The following NBEAL1 variants were observed in gnomAD, a reference collection of about 807,000 sequenced individuals.
NBEAL1 encodes neurobeachin like 1, also known as neurobeachin-like protein 1.
NBEAL1 carries 273 observed loss-of-function variants against 351.3 expected under a neutral mutation model. That is an observed-to-expected ratio of 0.78 (90% CI 0.70 to 0.86). The LOEUF (loss-of-function observed/expected upper bound fraction) is 0.86, where lower values mean the gene tolerates loss of function less well. Among genes scored for constraint, NBEAL1 ranks in the 40% least tolerant of loss-of-function variants. The pLI is 0.00. For synonymous variants in NBEAL1, 1,050 were observed against 1,086.4 expected (o/e 0.97, Z 0.66); for missense variants, 2,961 against 3,201.3 (o/e 0.92, Z 1.81).
intron 29 of NBEAL1, 138 bp from the exon 30 acceptor site, chr2:203,138,024 T>C (rs2106318986): frequency 1.3e-6 from 1 of 763,986 alleles, no homozygotes; most frequent in East Asian, 2.8e-5. Context: ...CCATTTACAG[T>C]ATCTTAGGGA....
rs546453299 is a variant in NBEAL1 at position 203,211,187 on chromosome 2, A to G, written c.7934+81A>G. On this transcript the variant is annotated intron_variant, in intron 54 of 55. Transcript: ENST00000683969. ...CTAGAGTGAAAATCAGGAATCTAAG[A>G]TTTTTAATCTTTTGGTTTATCATTG... is the stretch of plus-strand genomic sequence containing the variant. 3.5e-5 allele frequency: 37 copies of G among 1,066,114 alleles called. No individual in the cohort carries two copies. In the South Asian group the frequency reaches 1.0e-3, roughly 30 times the overall value. 66.0% of individuals were successfully genotyped at this position (1,066,114 alleles called of 1,614,324 possible). A position where few individuals can be genotyped will look rare whatever the true frequency, so the allele number is the denominator to read the frequency against.
At chr2:203,151,231 C>G (rs1419975014) in intron 34 of NBEAL1, among the ~76,000 whole-genome samples, 1 of 152,098 alleles carries the variant, frequency 6.6e-6, no homozygotes, top group Non-Finnish European at 1.5e-5. Flanking sequence ...TGTCAGGAGG[C>G]TGAGGCACGA....
At chr2:203,116,946 C>T (rs977494793) in intron 18 of NBEAL1, among the ~76,000 whole-genome samples, 3 of 151,520 alleles carry the variant, frequency 2.0e-5, no homozygotes, top group Non-Finnish European at 4.4e-5. Flanking sequence ...ACTAAAAATA[C>T]AAAAAATTAG....
chr2:203,064,186 TG>T (rs2061544656), intron 6 of NBEAL1, among the ~76,000 whole-genome samples: 1 of 152,090 alleles, frequency 6.6e-6, no homozygotes. Context: ...CCCAAGTAGC[TG>T]GGTTTACAGG....
chr2:203,164,127 A>G (rs2064055962), intron 36 of NBEAL1, among the ~76,000 whole-genome samples: 1 of 151,954 alleles, frequency 6.6e-6, no homozygotes, highest in Non-Finnish European at 1.5e-5. Context: ...ATATTAATAC[A>G]TGTGATTAAA....
intron 4 of NBEAL1, among the ~76,000 whole-genome samples, chr2:203,051,046 G>A (rs1337626334): frequency 6.6e-6 from 1 of 152,096 alleles, no homozygotes; most frequent in Non-Finnish European, 1.5e-5. Flanking sequence ...TAATTAATTA[G>A]TGGATGAATA....
chr2:203,058,193 G>A (rs544788249), intron 6 of NBEAL1, among the ~76,000 whole-genome samples: 2 of 152,008 alleles, frequency 1.3e-5, no homozygotes, highest in South Asian at 2.1e-4. Flanking sequence ...AAACATAAAC[G>A]AGACTAAATA....
intron 39 of NBEAL1, among the ~76,000 whole-genome samples, chr2:203,170,562 C>T (rs776234550): frequency 1.2e-4 from 19 of 152,114 alleles, no homozygotes; most frequent in Non-Finnish European, 2.1e-4. Flanking sequence ...TCTGCCAGGA[C>T]GCAAAGGAAA....
At chr2:203,155,446 T>C (rs574907175) in intron 35 of NBEAL1, among the ~76,000 whole-genome samples, 2 of 151,990 alleles carry the variant, frequency 1.3e-5, no homozygotes, top group Non-Finnish European at 1.5e-5. Context: ...GTTTGTTTGT[T>C]TGTTTTGTGA....
chr2:203,063,527 C>T (rs143735756), intron 6 of NBEAL1, among the ~76,000 whole-genome samples: 15 of 137,846 alleles, frequency 1.1e-4, no homozygotes, highest in South Asian at 2.3e-4. Flanking sequence ...AAAGAGGGAG[C>T]GAGGGAAGGA....
chr2:203,057,550 A>G, intron 6 of NBEAL1, 97 bp downstream of exon 6: 2 of 978,996 alleles, frequency 2.0e-6, no homozygotes, highest in Non-Finnish European at 3.0e-6. Context: ...AATTGGAAAG[A>G]AGTATATAAG....
intron 31 of NBEAL1, among the ~76,000 whole-genome samples, chr2:203,141,880 GTTAA>G (rs983047932): frequency 6.6e-6 from 1 of 152,148 alleles, no homozygotes; most frequent in Non-Finnish European, 1.5e-5. Flanking sequence ...GCTCATACAT[GTTAA>G]TTAATTGCCA....
chr2:203,129,550 A>G (rs1238566757), intron 24 of NBEAL1, among the ~76,000 whole-genome samples: 2 of 152,220 alleles, frequency 1.3e-5, no homozygotes, highest in African/African-American at 2.4e-5. Flanking sequence ...TGGTTATTTC[A>G]GTTAAAGAGT....
chr2:203,152,156 C>T (rs2063672298), intron 35 of NBEAL1, among the ~76,000 whole-genome samples: 1 of 151,494 alleles, frequency 6.6e-6, no homozygotes, highest in South Asian at 2.1e-4. Context: ...TGGGGTTTCA[C>T]CATGTTGGCC....
At chr2:203,105,104 C>G (rs954569826) in intron 12 of NBEAL1, among the ~76,000 whole-genome samples, 50 of 152,030 alleles carry the variant, frequency 3.3e-4, no homozygotes, top group Non-Finnish European at 5.4e-4. Flanking sequence ...TGATCTACCC[C>G]CCTCAGCCTC....
chr2:203,053,918 GACTTA>G (rs1037204255), intron 4 of NBEAL1, among the ~76,000 whole-genome samples: 5 of 152,136 alleles, frequency 3.3e-5, no homozygotes, highest in East Asian at 1.9e-4. Flanking sequence ...AATGAAGTTT[GACTTA>G]ACTTTTTTCT....
intron 7 of NBEAL1, among the ~76,000 whole-genome samples, chr2:203,076,928 T>C (rs992689047): frequency 6.6e-6 from 1 of 152,056 alleles, no homozygotes; most frequent in Non-Finnish European, 1.5e-5. Flanking sequence ...CACCTCTCAT[T>C]AGTAAAAATT....
rs567143790 is a variant in NBEAL1 at position 203,054,442 on chromosome 2, T to A, written c.306-1985T>A. On this transcript the variant is annotated intron_variant, in intron 4 of 55. Transcript: ENST00000683969. Reference sequence around the variant, plus strand: ...CTCAGTCTCAAAAAAAAAAAAAAAATTTTTTTTTTCAAATTATTGTCTTGC... The same window carrying A: ...CTCAGTCTCAAAAAAAAAAAAAAAAATTTTTTTTTCAAATTATTGTCTTGC... Among the ~76,000 whole-genome samples the A allele has an allele frequency of 9.2e-4, 137 of 148,550 alleles. 1 individual carries two copies. Among genetic ancestry groups the A allele is most frequent in the African/African-American group, 2.7e-3 (110 of 40,486 alleles).
intron 34 of NBEAL1, 137 bp downstream of exon 34, chr2:203,149,285 T>C (rs1239566134): frequency 1.7e-6 from 1 of 597,226 alleles, no homozygotes; most frequent in Non-Finnish European, 2.8e-6. Context: ...TTATTTATTG[T>C]CTTTCCATGA....
Sources: allele counts gnomAD v4.1 joint callset (sites outside exome capture counted in the v4.1 genomes callset), GRCh38; gene constraint gnomAD v4.1.1; transcripts MANE v1.5; gene names NCBI Gene and HGNC (gene_info 2026-07-23, HGNC 2026-07-21).